Variants in CRAMP1 observed in about 807,000 individuals in gnomAD.
The protein encoded by CRAMP1 is cramped chromatin regulator 1.
Under a neutral mutation model 115.4 loss-of-function variants are expected in CRAMP1, and 50 were observed. That is an observed-to-expected ratio of 0.43 (90% CI 0.35 to 0.55). The LOEUF (loss-of-function observed/expected upper bound fraction) is 0.55. Among genes scored for constraint, CRAMP1 ranks in the 20% least tolerant of loss-of-function variants. The pLI, the probability that CRAMP1 is intolerant of heterozygous loss-of-function variation, is 0.01. For missense variants in CRAMP1, 1,679 were observed against 1,721.7 expected (o/e 0.98, Z 0.44); for synonymous variants, 866 against 745.4 (o/e 1.16, Z -2.64).
chr16:1,668,955 A>C, intron 18 of CRAMP1, 46 bp from the exon 19 acceptor site: 1 of 1,594,592 alleles, frequency 6.3e-7, no homozygotes, highest in East Asian at 2.2e-5. Context: ...GTTGCTGTTC[A>C]CCACCCCGCA....
chr16:1,668,238 G>A, intron 18 of CRAMP1, 45 bp downstream of exon 18: 2 of 1,360,460 alleles, frequency 1.5e-6, no homozygotes, highest in Non-Finnish European at 2.1e-6. Flanking sequence ...ATCAGGTGTT[G>A]ATCTCCTGCC....
intron 11 of CRAMP1, 128 bp from the exon 12 acceptor site, chr16:1,662,362 C>A (rs2036839500): frequency 1.4e-6 from 1 of 709,478 alleles, no homozygotes; most frequent in African/African-American, 1.8e-5. Context: ...AGAGGTGTCT[C>A]CTTTCAAGGC....
intron 2 of CRAMP1, among the ~76,000 whole-genome samples, chr16:1,622,639 G>A (rs1292342323): frequency 6.6e-6 from 1 of 152,212 alleles, no homozygotes; most frequent in African/African-American, 2.4e-5. Flanking sequence ...GTAGAGACAA[G>A]GTCTCCCTGT....
intron 10 of CRAMP1, among the ~76,000 whole-genome samples, chr16:1,658,872 G>C (rs1422590953): frequency 6.6e-6 from 1 of 152,298 alleles, no homozygotes; most frequent in African/African-American, 2.4e-5. Flanking sequence ...GTTGCCCCGG[G>C]TGGGATGTGT....
chr16:1,617,818 A>G (rs1489208740), intron 2 of CRAMP1, among the ~76,000 whole-genome samples: 1 of 152,232 alleles, frequency 6.6e-6, no homozygotes, highest in Non-Finnish European at 1.5e-5. Context: ...TCAGTTTCAA[A>G]TTTAAATCTT....
At position 1,662,490 on chromosome 16, in the gene CRAMP1, G is replaced by T. The variant is rs887680348; in HGVS notation, c.2414G>T (p.Gly805Val). 11 of 1,613,048 alleles carry T rather than the reference G, an allele frequency of 6.8e-6. No homozygotes were observed. The highest frequency in any genetic ancestry group is 9.3e-6 in the Non-Finnish European group (11 of 1,179,282). Residue 805 changes from glycine (G) to valine (V), a missense_variant and splice_region_variant, in exon 12 of 21, where the codon GGT becomes GTT. By Grantham distance (109) the Gly-to-Val change is moderately radical. Around this residue, in one of 8 missense-constraint regions of CRAMP1, gnomAD observed 709 missense variants for 741.9 expected, o/e 0.96. Transcript: ENST00000397412. ...FPPSSAPCSSGLRNPPRPLLV... is the reference protein window; with the variant it reads ...FPPSSAPCSSVLRNPPRPLLV... ...CTGATTCTCTCCTCTCCTCTCCCAG[G>T]TTTGAGAAACCCTCCAAGACCCCTC...
rs1194006617 is a variant in CRAMP1, at chr16:1,615,906, A to AT, written c.346+924dup. On this transcript the variant is annotated intron_variant, in intron 2 of 20. Coordinates refer to ENST00000397412, the MANE Select transcript of CRAMP1 (RefSeq NM_020825.4). ...CCTTCCTTGGGAAATGCTCGTTTAC[A>AT]TTTAGTGAATGGTCCTGGTAGTTTT... Among the ~76,000 whole-genome samples the AT allele has an allele frequency of 2.0e-5, 3 of 152,330 alleles. No homozygotes were observed. The East Asian group carries it at 5.8e-4, about 29-fold the overall frequency.
In CRAMP1 at chr16:1,671,983, T is replaced by C. The variant is rs1235966572; in HGVS notation, c.3645+1174T>C. On this transcript the variant is annotated intron_variant, in intron 20 of 20. Transcript: ENST00000397412. The surrounding 1 kb of genome is among the most constrained non-coding windows in gnomAD (Gnocchi z 5.0). ...CCAGAATCATTATTCAGGGCACACC[T>C]TGGACTCTGATGTTTCCCGAGAAGC... Among the ~76,000 whole-genome samples the C allele has an allele frequency of 6.6e-6, 1 of 152,226 alleles. No individual in the cohort carries two copies. The highest frequency in any genetic ancestry group is 1.5e-5 in the Non-Finnish European group (1 of 68,042).
At chr16:1,625,457 T>C (rs955796239) in intron 2 of CRAMP1, among the ~76,000 whole-genome samples, 18 of 152,232 alleles carry the variant, frequency 1.2e-4, no homozygotes, top group African/African-American at 4.3e-4. Context: ...ATTTTAAGAC[T>C]AAAGATTCTT....
chr16:1,665,868 G>A (rs1173149898), intron 14 of CRAMP1: 3 of 575,426 alleles, frequency 5.2e-6, no homozygotes, highest in South Asian at 4.2e-5. Context: ...AGGCACAGTG[G>A]TGGGTGCCAG....
chr16:1,661,147 C>G (rs1417241497), intron 11 of CRAMP1, among the ~76,000 whole-genome samples: 1 of 152,172 alleles, frequency 6.6e-6, no homozygotes, highest in Non-Finnish European at 1.5e-5. Flanking sequence ...AAGACCCCAT[C>G]TCTACAAAAT....
chr16:1,651,687 C>T (rs1596491907), intron 6 of CRAMP1, among the ~76,000 whole-genome samples: 1 of 141,446 alleles, frequency 7.1e-6, no homozygotes, highest in African/African-American at 2.7e-5. Flanking sequence ...TGAGAGGTCA[C>T]GGAGAGGTGG....
chr16:1,642,956 A>G (rs1023373566), intron 6 of CRAMP1, among the ~76,000 whole-genome samples: 1 of 152,218 alleles, frequency 6.6e-6, no homozygotes, highest in South Asian at 2.1e-4. Flanking sequence ...GGGAGAACTT[A>G]TGTAAGAAAT....
chr16:1,616,109 A>G (rs1467457427), intron 2 of CRAMP1, among the ~76,000 whole-genome samples: 1 of 152,232 alleles, frequency 6.6e-6, no homozygotes, highest in African/African-American at 2.4e-5. Flanking sequence ...AAAGATGTAA[A>G]TAGAAGGTAA....
intron 6 of CRAMP1, among the ~76,000 whole-genome samples, chr16:1,643,646 G>T (rs115751410): frequency 0.02 from 3,082 of 152,268 alleles, 85 homozygotes; most frequent in African/African-American, 0.068. Context: ...GTGTGCTAGC[G>T]CCCCTCCAGC....
intron 6 of CRAMP1, among the ~76,000 whole-genome samples, chr16:1,648,166 G>C (rs1237067218): frequency 1.3e-5 from 2 of 152,102 alleles, no homozygotes; most frequent in African/African-American, 4.8e-5. Context: ...CGGAAAATGT[G>C]ATTATTGAAA....
chr16:1,630,741 C>T (rs1204811552), intron 3 of CRAMP1, among the ~76,000 whole-genome samples: 2 of 152,150 alleles, frequency 1.3e-5, no homozygotes, highest in Non-Finnish European at 2.9e-5. Flanking sequence ...GTTTTTTTGT[C>T]GTTGATGACC....
chr16:1,648,264 A>G (rs2036693318), intron 6 of CRAMP1, among the ~76,000 whole-genome samples: 1 of 152,220 alleles, frequency 6.6e-6, no homozygotes, highest in Non-Finnish European at 1.5e-5. Flanking sequence ...AAAAATGGTG[A>G]GTGGAAACGT....
In CRAMP1 at chr16:1,674,078, C is replaced by T. The variant is rs190295086; in HGVS notation, c.*33C>T. On this transcript the variant is annotated 3_prime_UTR_variant, in exon 21 of 21. Coordinates refer to ENST00000397412, the MANE Select transcript of CRAMP1 (RefSeq NM_020825.4). Reference sequence around the variant, plus strand: ...TCCTGGTGGCGGATGAAGCCCTCTTCGAGCTAGAGAAAAATAGATAAGCCC... The same window carrying T: ...TCCTGGTGGCGGATGAAGCCCTCTTTGAGCTAGAGAAAAATAGATAAGCCC... The T allele has an allele frequency of 9.7e-4, 1,558 of 1,601,448 alleles. 1 individual carries two copies. Among genetic ancestry groups the T allele is most frequent in the Admixed American group, 2.7e-3 (155 of 58,338 alleles).
Sources: allele counts gnomAD v4.1 joint callset (sites outside exome capture counted in the v4.1 genomes callset), GRCh38; gene constraint gnomAD v4.1.1; regional missense constraint gnomAD v4.1.1; non-coding constraint Gnocchi (gnomAD v3.1); transcripts MANE v1.5; gene names NCBI Gene and HGNC (gene_info 2026-07-23, HGNC 2026-07-21).